Variants in RUNX1 observed in about 807,000 individuals in gnomAD.
RUNX1 encodes the protein runt-related transcription factor 1.
In RUNX1, 19 loss-of-function variants were observed where a neutral mutation model predicts 42.8. The ratio of observed to expected loss-of-function variants is 0.44; its 90% CI spans 0.31 to 0.65. The LOEUF (loss-of-function observed/expected upper bound fraction) is 0.65, where lower values mean the gene tolerates loss of function less well. Among genes scored for constraint, RUNX1 ranks in the 30% least tolerant of loss-of-function variants. The probability of loss-of-function intolerance (pLI) is 0.07; values close to 1 mark genes in which losing one functional copy is unlikely to be tolerated. For missense variants in RUNX1, 528 were observed against 672.0 expected (o/e 0.79, Z 2.37); for synonymous variants, 271 against 289.4 (o/e 0.94, Z 0.64).
intron 2 of RUNX1, among the ~76,000 whole-genome samples, chr21:34,906,267 G>T (rs2058218653): frequency 1.3e-5 from 2 of 152,146 alleles, no homozygotes; most frequent in African/African-American, 4.8e-5. Context: ...AGGTTTGGGG[G>T]TTTAAGAAAC....
intron 2 of RUNX1, among the ~76,000 whole-genome samples, chr21:35,034,149 T>C (rs2059291206): frequency 6.6e-6 from 1 of 152,216 alleles, no homozygotes; most frequent in Admixed American, 6.5e-5. Flanking sequence ...CCCAGCTGTG[T>C]GACCTTGGAT....
intron 2 of RUNX1, among the ~76,000 whole-genome samples, chr21:35,043,185 TC>T (rs2059372089): frequency 6.6e-6 from 1 of 152,118 alleles, no homozygotes. Flanking sequence ...TCAGCAAAGA[TC>T]TCAAAGGAAA....
chr21:34,847,131 G>C (rs931965341), intron 6 of RUNX1, among the ~76,000 whole-genome samples: 34 of 152,176 alleles, frequency 2.2e-4, no homozygotes, highest in African/African-American at 7.2e-4. Context: ...AAAGAAAATG[G>C]AATAACAGAG....
At chr21:34,968,496 C>T (rs1000837985) in intron 2 of RUNX1, among the ~76,000 whole-genome samples, 1 of 152,264 alleles carries the variant, frequency 6.6e-6, no homozygotes, top group South Asian at 2.1e-4. Context: ...ATGAGGCAAA[C>T]ACCTTTCCTA....
intron 6 of RUNX1, among the ~76,000 whole-genome samples, chr21:34,847,762 T>C (rs2057337980): frequency 6.6e-6 from 1 of 152,202 alleles, no homozygotes; most frequent in African/African-American, 2.4e-5. Context: ...CTCAAGGAAG[T>C]AGGGCAACAT....
chr21:34,878,903 T>C (rs2057855541), intron 5 of RUNX1, among the ~76,000 whole-genome samples: 1 of 152,236 alleles, frequency 6.6e-6, no homozygotes, highest in Non-Finnish European at 1.5e-5. Context: ...AAATAGTTTT[T>C]AAAACTTTTA....
At chr21:34,891,705 A>T (rs532783999) in intron 3 of RUNX1, among the ~76,000 whole-genome samples, 51 of 126,104 alleles carry the variant, frequency 4.0e-4, no homozygotes, top group African/African-American at 1.6e-3. Flanking sequence ...ATAATGCAAA[A>T]TTAAAAAAAA....
intron 2 of RUNX1, among the ~76,000 whole-genome samples, chr21:34,991,785 G>A (rs919869924): frequency 6.6e-6 from 1 of 152,182 alleles, no homozygotes; most frequent in Non-Finnish European, 1.5e-5. Context: ...TAGCGTTTTT[G>A]AAGAAGTAAC....
intron 2 of RUNX1, among the ~76,000 whole-genome samples, chr21:34,933,598 T>C (rs1220748055): frequency 6.6e-6 from 1 of 152,220 alleles, no homozygotes; most frequent in Non-Finnish European, 1.5e-5. Flanking sequence ...CGACGTATAG[T>C]AGCTGAAAGT....
intron 8 of RUNX1, among the ~76,000 whole-genome samples, chr21:34,798,675 A>G (rs2056565513): frequency 6.6e-6 from 1 of 152,236 alleles, no homozygotes; most frequent in Admixed American, 6.5e-5. Context: ...TCCCTAAACA[A>G]TGCAGTATAA....
At chr21:34,947,366 T>G (rs893950595) in intron 2 of RUNX1, among the ~76,000 whole-genome samples, 3 of 152,212 alleles carry the variant, frequency 2.0e-5, no homozygotes, top group Admixed American at 6.5e-5. Context: ...CTGCTCAAAT[T>G]GATGACTTTT....
intron 2 of RUNX1, among the ~76,000 whole-genome samples, chr21:34,942,611 T>C (rs545573323): frequency 6.6e-6 from 1 of 152,356 alleles, no homozygotes; most frequent in South Asian, 2.1e-4. Context: ...AAAGTGAATA[T>C]GAGTGATCCT....
At chr21:34,993,163 C>T (rs2058958844) in intron 2 of RUNX1, among the ~76,000 whole-genome samples, 1 of 152,194 alleles carries the variant, frequency 6.6e-6, no homozygotes, top group African/African-American at 2.4e-5. Context: ...GAAGACGTGG[C>T]AATTTCAGAA....
rs553569017 is a variant in RUNX1 at position 34,913,165 on chromosome 21, G to A, written c.59-20202C>T. Among the ~76,000 whole-genome samples the A allele has an allele frequency of 4.3e-4, 65 of 152,276 alleles. 1 individual carries two copies. Among genetic ancestry groups the A allele is most frequent in the Admixed American group, 1.5e-3 (23 of 15,296 alleles). On this transcript the variant is annotated intron_variant, in intron 2 of 8. Transcript: ENST00000675419. ...GAAGAATTGCTTGAACCCGGGAGAT[G>A]GAGGTTGCAGTAAGCCAAGATCGTG...
intron 7 of RUNX1, among the ~76,000 whole-genome samples, chr21:34,815,869 G>A (rs978112001): frequency 2.0e-5 from 3 of 152,170 alleles, no homozygotes; most frequent in African/African-American, 7.2e-5. Context: ...AGAGAGTTTG[G>A]CCTCAGAGAG....
chr21:34,903,962 G>C (rs748582440), intron 2 of RUNX1, among the ~76,000 whole-genome samples: 1 of 152,030 alleles, frequency 6.6e-6, no homozygotes, highest in Non-Finnish European at 1.5e-5. Context: ...AAACTGCTAA[G>C]ATCTGTATTG....
intron 5 of RUNX1, 144 bp downstream of exon 5, chr21:34,880,413 T>C (rs1202670830): frequency 2.7e-6 from 2 of 744,360 alleles, no homozygotes; most frequent in Admixed American, 4.9e-5. Flanking sequence ...TTCAAATAAA[T>C]ATTTTTAAGA....
chr21:35,006,627 T>C (rs2059086997), intron 2 of RUNX1, among the ~76,000 whole-genome samples: 3 of 152,208 alleles, frequency 2.0e-5, no homozygotes. Flanking sequence ...TAGGAAGTGC[T>C]GGGCACAGCA....
intron 2 of RUNX1, among the ~76,000 whole-genome samples, chr21:35,036,395 T>A (rs959631653): frequency 2.0e-5 from 3 of 152,164 alleles, no homozygotes; most frequent in Non-Finnish European, 2.9e-5. Flanking sequence ...TTTCCATTGA[T>A]CAGGGCACTC....
Sources: gnomAD v4.1 joint callset for allele counts (sites outside exome capture counted in the v4.1 genomes callset) on GRCh38, gnomAD v4.1.1 for gene constraint, MANE v1.5 for transcripts, NCBI Gene and HGNC (gene_info 2026-07-23, HGNC 2026-07-21) for gene names.